The following SHC3 variants were observed in gnomAD, a reference collection of about 807,000 sequenced individuals.
SHC3 encodes SHC-transforming protein 3.
A neutral mutation model predicts 60.4 loss-of-function variants in SHC3; 15 were observed. That is an observed-to-expected ratio of 0.25 (90% CI 0.17 to 0.38). The LOEUF is 0.38. SHC3 is among the 10% of genes least tolerant of loss of function. The pLI, the probability that SHC3 is intolerant of heterozygous loss-of-function variation, is 1.00. For missense variants in SHC3, 677 were observed against 786.1 expected, an observed-to-expected ratio of 0.86 and a Z score of 1.66; for synonymous variants, 294 against 325.9, an observed-to-expected ratio of 0.90 and a Z score of 1.05.
rs183564959 is a variant in SHC3 at position 89,110,417 on chromosome 9, A to G, written c.545+2139T>C. On this transcript the variant is annotated intron_variant, in intron 2 of 11. Coordinates refer to ENST00000375835, the MANE Select transcript of SHC3 (RefSeq NM_016848.6). ...TAGATTTCCCTATAAACTTCCAAGA[A>G]TTTCTTTAGTATATAAAGTAAACCA... 61 of 985,212 alleles carry G rather than the reference A, an allele frequency of 6.2e-5. 1 individual carries two copies. The East Asian group carries it at 5.8e-3, about 93-fold the overall frequency. 61.0% of individuals were successfully genotyped at this position (985,212 alleles called of 1,614,324 possible).
intron 1 of SHC3, among the ~76,000 whole-genome samples, chr9:89,143,407 C>T (rs1028965378): frequency 1.3e-5 from 2 of 151,940 alleles, no homozygotes; most frequent in African/African-American, 2.4e-5. Flanking sequence ...TATCTCGTGC[C>T]GACCTCCTAT....
At chr9:89,149,803 A>G (rs1271185181) in intron 1 of SHC3, among the ~76,000 whole-genome samples, 1 of 152,190 alleles carries the variant, frequency 6.6e-6, no homozygotes, top group Non-Finnish European at 1.5e-5. Flanking sequence ...GGGTCCAAAA[A>G]TATTAATGGA....
chr9:89,064,304 T>A (rs965839421), intron 6 of SHC3, among the ~76,000 whole-genome samples: 1 of 152,140 alleles, frequency 6.6e-6, no homozygotes, highest in Non-Finnish European at 1.5e-5. Context: ...ATGGTGGAGA[T>A]CTTTTTCTGC....
At chr9:89,133,057 T>G (rs1826270405) in intron 1 of SHC3, among the ~76,000 whole-genome samples, 1 of 151,780 alleles carries the variant, frequency 6.6e-6, no homozygotes, top group South Asian at 2.1e-4. Flanking sequence ...TTAGACAAAT[T>G]TACAAGAAAA....
chr9:89,059,104 AT>A (rs1825012789), intron 6 of SHC3, among the ~76,000 whole-genome samples: 3 of 125,142 alleles, frequency 2.4e-5, no homozygotes, highest in South Asian at 3.0e-4. Flanking sequence ...GTGGTGGAGG[AT>A]GGTGGTGGAG....
intron 1 of SHC3, among the ~76,000 whole-genome samples, chr9:89,174,784 A>C (rs985371762): frequency 6.6e-6 from 1 of 152,200 alleles, no homozygotes; most frequent in African/African-American, 2.4e-5. Context: ...TTCAGAGCTG[A>C]ATGTCAAGGC....
intron 6 of SHC3, among the ~76,000 whole-genome samples, chr9:89,056,524 C>T (rs546232915): frequency 1.1e-4 from 17 of 152,190 alleles, no homozygotes; most frequent in Admixed American, 5.9e-4. Context: ...CCACCCACCT[C>T]TTCCATTTCT....
At chr9:89,021,393 C>G (rs1280636052) in intron 11 of SHC3, among the ~76,000 whole-genome samples, 1 of 152,142 alleles carries the variant, frequency 6.6e-6, no homozygotes, top group Non-Finnish European at 1.5e-5. Flanking sequence ...GCCAACACCA[C>G]CGCACTCAAT....
At chr9:89,131,199 C>T (rs1826239635) in intron 1 of SHC3, among the ~76,000 whole-genome samples, 1 of 152,254 alleles carries the variant, frequency 6.6e-6, no homozygotes, top group South Asian at 2.1e-4. Flanking sequence ...CCTCCCAAGA[C>T]TAAACAAGGA....
intron 1 of SHC3, among the ~76,000 whole-genome samples, chr9:89,147,337 T>TA (rs1359181159): frequency 1.3e-5 from 2 of 152,220 alleles, no homozygotes; most frequent in Non-Finnish European, 2.9e-5. Flanking sequence ...AAGTAGGTAA[T>TA]AAACATGAAT....
intron 1 of SHC3, among the ~76,000 whole-genome samples, chr9:89,162,282 C>A (rs1227715154): frequency 6.6e-6 from 1 of 151,458 alleles, no homozygotes; most frequent in African/African-American, 2.4e-5. Context: ...CCCGCATCGC[C>A]AAGTCAATCC....
chr9:89,117,822 G>A (rs1826038959), intron 1 of SHC3, among the ~76,000 whole-genome samples: 1 of 151,974 alleles, frequency 6.6e-6, no homozygotes, highest in African/African-American at 2.4e-5. Flanking sequence ...CATTCGGAAT[G>A]CATTTGTCTA....
At chr9:89,023,891 G>A (rs1826243833) in intron 11 of SHC3, among the ~76,000 whole-genome samples, 1 of 152,180 alleles carries the variant, frequency 6.6e-6, no homozygotes, top group Non-Finnish European at 1.5e-5. Flanking sequence ...AGCCCCTGAA[G>A]GGCTTGTGAA....
chr9:89,153,422 TGCTGCTCTCACTCACAGCGTTTCATCCAC>T (rs1465638198), intron 1 of SHC3, among the ~76,000 whole-genome samples: 1 of 152,178 alleles, frequency 6.6e-6, no homozygotes, highest in Admixed American at 6.5e-5. Context: ...CCAACATCCA[TGCTGCTCTCACTCACAGCGTTTCATCCAC>T]GCTGCTCTCA....
At chr9:89,175,846 C>A (rs1826935118) in intron 1 of SHC3, among the ~76,000 whole-genome samples, 1 of 152,138 alleles carries the variant, frequency 6.6e-6, no homozygotes, top group African/African-American at 2.4e-5. Context: ...TTCAGTTTAA[C>A]AATTTTTCAA....
chr9:89,048,264 A>G (rs1824806238), intron 7 of SHC3, among the ~76,000 whole-genome samples: 1 of 149,422 alleles, frequency 6.7e-6, no homozygotes, highest in Admixed American at 6.7e-5. Context: ...AAAAGGTAGA[A>G]GTACCCAACT....
At chr9:89,175,417 C>T (rs1826928715) in intron 1 of SHC3, among the ~76,000 whole-genome samples, 1 of 152,246 alleles carries the variant, frequency 6.6e-6, no homozygotes, top group Admixed American at 6.5e-5. Flanking sequence ...CATTAATTCA[C>T]ATTCTAAGCT....
chr9:89,125,655 A>C (rs1826153384), intron 1 of SHC3, among the ~76,000 whole-genome samples: 1 of 152,196 alleles, frequency 6.6e-6, no homozygotes, highest in African/African-American at 2.4e-5. Context: ...GTTGCAGTAA[A>C]GAAGACCCAC....
intron 11 of SHC3, among the ~76,000 whole-genome samples, chr9:89,017,256 G>A (rs577984928): frequency 6.6e-6 from 1 of 152,266 alleles, no homozygotes; most frequent in Non-Finnish European, 1.5e-5. Context: ...TATACTACAA[G>A]GCTACAGTAA....
Sources: allele counts gnomAD v4.1 joint callset (sites outside exome capture counted in the v4.1 genomes callset), GRCh38; gene constraint gnomAD v4.1.1; transcripts MANE v1.5; gene names NCBI Gene and HGNC (gene_info 2026-07-23, HGNC 2026-07-21).